The following PFKP variants were observed in gnomAD, a reference collection of about 807,000 sequenced individuals.
The protein encoded by PFKP is phosphofructokinase, platelet, also known as ATP-dependent 6-phosphofructokinase, platelet type.
PFKP carries 101 observed loss-of-function variants against 94.3 expected under a neutral mutation model. The ratio of observed to expected loss-of-function variants is 1.07; its 90% CI spans 0.91 to 1.26. PFKP has a LOEUF of 1.26. Among genes scored for constraint, PFKP ranks in the 50% most tolerant of loss-of-function variants. PFKP has a pLI of 0.00. For missense variants in PFKP, 1,145 were observed against 1,103.3 expected (o/e 1.04, Z -0.53); for synonymous variants, 573 against 432.6 (o/e 1.32, Z -4.03).
chr10:3,115,518 G>A, intron 13 of PFKP, among the ~76,000 whole-genome samples: 1 of 149,072 alleles, frequency 6.7e-6, no homozygotes, highest in African/African-American at 2.5e-5. Flanking sequence ...GTGTCCCACA[G>A]CTGAGGATAG....
Position 3,129,691 on chromosome 10 carries a change from C to T in PFKP, c.1684-128C>T, listed in dbSNP as rs567568936. 3.9e-4 allele frequency: 374 copies of T among 967,974 alleles called. 2 individuals are homozygous for T. In the Middle Eastern group the frequency reaches 4.3e-3, roughly 11 times the overall value. The allele number at this position is 967,974 out of a possible 1,614,324, so 60.0% of individuals were successfully genotyped here. On this transcript the variant is annotated intron_variant, in intron 16 of 21. Transcript: ENST00000381125. Reference sequence around the variant, plus strand: ...GGCTGCTGCACACCCTTCACCTCTGCGGGATGCTGGGACCGCATGTTTGGG... The same window carrying T: ...GGCTGCTGCACACCCTTCACCTCTGTGGGATGCTGGGACCGCATGTTTGGG...
intron 1 of PFKP, among the ~76,000 whole-genome samples, chr10:3,077,019 G>A (rs1301684515): frequency 6.6e-6 from 1 of 152,166 alleles, no homozygotes; most frequent in African/African-American, 2.4e-5. Flanking sequence ...TCAGCGCGGT[G>A]TAAGCTCATT....
chr10:3,082,972 A>G (rs1184665994), intron 2 of PFKP, among the ~76,000 whole-genome samples: 1 of 152,080 alleles, frequency 6.6e-6, no homozygotes, highest in East Asian at 1.9e-4. Flanking sequence ...TGGCCTCCCA[A>G]AGTTTTGGTA....
At position 3,133,254 on chromosome 10, in the gene PFKP, T is replaced by G; in HGVS notation, c.1962T>G (p.Tyr654Ter). Reference protein sequence around the residue: ...NYTTDFIYQLYSEEGKGVFDC... With the variant: ...NYTTDFIYQL ...CCACCGACTTCATTTACCAGCTGTA[T>G]TCAGAAGAGGGCAAAGGCGTGTTTG... Residue 654 changes from tyrosine (Y) to a stop codon, truncating the protein, a stop_gained, in exon 19 of 22, where the codon TAT becomes TAG. Transcript: ENST00000381125. LOFTEE classifies it high-confidence loss of function. 3.7e-6 allele frequency: 6 copies of G among 1,614,144 alleles called. No individual in the cohort carries two copies. The highest frequency in any genetic ancestry group is 4.2e-6 in the Non-Finnish European group (5 of 1,179,986).
At chr10:3,113,607 C>G (rs561270279) in intron 13 of PFKP, 89 bp downstream of exon 13, 2 of 1,057,064 alleles carry the variant, frequency 1.9e-6, no homozygotes, top group Non-Finnish European at 2.7e-6. Flanking sequence ...CCATGGCCCT[C>G]ATACCTTTTC....
intron 16 of PFKP, among the ~76,000 whole-genome samples, chr10:3,127,047 G>A (rs1256170147): frequency 6.6e-6 from 1 of 152,288 alleles, no homozygotes; most frequent in Admixed American, 6.5e-5. Flanking sequence ...CAGGCAGGCA[G>A]GGCCGCGCTT....
chr10:3,119,432 C>A (rs1416473129), intron 15 of PFKP, among the ~76,000 whole-genome samples: 1 of 125,460 alleles, frequency 8.0e-6, no homozygotes, highest in East Asian at 2.6e-4. Flanking sequence ...ATGGTGAAAC[C>A]CCGTCTCTAC....
chr10:3,091,353 C>G (rs1279475006), intron 2 of PFKP, among the ~76,000 whole-genome samples: 1 of 152,048 alleles, frequency 6.6e-6, no homozygotes, highest in Non-Finnish European at 1.5e-5. Context: ...TGGGTCCAAA[C>G]CAAGCTGGGG....
At chr10:3,069,731 AAG>A (rs1832042858) in intron 1 of PFKP, among the ~76,000 whole-genome samples, 1 of 152,186 alleles carries the variant, frequency 6.6e-6, no homozygotes, top group African/African-American at 2.4e-5. Context: ...AAAAAAAAGA[AAG>A]AAAAAAAATT....
At chr10:3,120,293 G>C (rs1343009936) in intron 16 of PFKP, among the ~76,000 whole-genome samples, 1 of 152,088 alleles carries the variant, frequency 6.6e-6, no homozygotes, top group Admixed American at 6.5e-5. Context: ...GAGACTCCAG[G>C]GGTGCCCGTG....
At chr10:3,072,520 G>A (rs77232779) in intron 1 of PFKP, among the ~76,000 whole-genome samples, 2 of 149,458 alleles carry the variant, frequency 1.3e-5, no homozygotes, top group East Asian at 3.8e-4. Context: ...AAATTACTGG[G>A]TCTGGGAGGC....
chr10:3,107,754 AG>A, intron 8 of PFKP: 1 of 985,466 alleles, frequency 1.0e-6, no homozygotes, highest in Non-Finnish European at 1.2e-6. Context: ...ATTCTTACAA[AG>A]CCACTGTGTC....
chr10:3,092,097 C>T (rs1834086928), intron 2 of PFKP, among the ~76,000 whole-genome samples: 1 of 152,190 alleles, frequency 6.6e-6, no homozygotes, highest in Non-Finnish European at 1.5e-5. Context: ...TGACCCCCGC[C>T]ACCGGCCCCC....
intron 2 of PFKP, among the ~76,000 whole-genome samples, chr10:3,094,803 AT>A (rs1834345815): frequency 6.6e-6 from 1 of 152,304 alleles, no homozygotes; most frequent in African/African-American, 2.4e-5. Flanking sequence ...AAATGCTTTA[AT>A]TTATTAAGGA....
chr10:3,134,443 C>A, intron 19 of PFKP, 40 bp from the exon 20 acceptor site: 3 of 1,084,722 alleles, frequency 2.8e-6, no homozygotes, highest in Non-Finnish European at 4.2e-6. Flanking sequence ...CAAAGTGTTA[C>A]TGTATAACTG....
chr10:3,119,902 GA>G lies in PFKP; in HGVS notation c.1542del (p.Leu515SerfsTer42). The G allele has an allele frequency of 6.2e-7, 1 of 1,614,120 alleles. No homozygotes were observed. Among genetic ancestry groups the G allele is most frequent in the Non-Finnish European group, 8.5e-7 (1 of 1,180,024 alleles). On this transcript the variant is annotated frameshift_variant, in exon 16 of 22. Transcript: ENST00000381125. LOFTEE classifies it high-confidence loss of function. ...LIIGGFEAYL[G>X]LLELSAAREK... ...ACGCTTGTCTGACAGGCCTACCTGGGACTCCTGGAGCTGTCAGCCGCCCGGG... is the reference window on the plus strand; with the variant it reads ...ACGCTTGTCTGACAGGCCTACCTGGGCTCCTGGAGCTGTCAGCCGCCCGGG...
chr10:3,098,848 T>C lies in PFKP; in HGVS notation c.187-427T>C, dbSNP rs1458498793. ...AACATACATCCCAAGTGGCGCAGGGTGCCTTGGCAGGCGGAGCCCCTGACA... is the reference window on the plus strand; with the variant it reads ...AACATACATCCCAAGTGGCGCAGGGCGCCTTGGCAGGCGGAGCCCCTGACA... On this transcript the variant is annotated intron_variant, in intron 2 of 21. Coordinates refer to ENST00000381125, the MANE Select transcript of PFKP (RefSeq NM_002627.5). Among the ~76,000 whole-genome samples, 3 of 152,268 alleles carry C rather than the reference T, an allele frequency of 2.0e-5. No individual in the cohort carries two copies. The East Asian group carries it at 5.8e-4, about 29-fold the overall frequency.
In PFKP at chr10:3,109,390, G is replaced by A. The variant is rs1431579843; in HGVS notation, c.999G>A (p.Leu333=). Residue 333 remains leucine (L), a synonymous_variant, in exon 10 of 22, where the codon TTG becomes TTA. Transcript: ENST00000381125. The part of the protein sequence containing the change: ...SRMGVEAVIA[L]LEATPDTPAC... ...TGGGAGTGGAGGCAGTCATCGCCTT[G>A]CTAGAGGCCACCCCGGACACCCCAG... 1 of 1,610,652 alleles carries A rather than the reference G, an allele frequency of 6.2e-7. No individual in the cohort carries two copies. Among genetic ancestry groups the A allele is most frequent in the Non-Finnish European group, 8.5e-7 (1 of 1,180,012 alleles).
intron 16 of PFKP, among the ~76,000 whole-genome samples, chr10:3,128,201 C>T (rs1428586589): frequency 2.6e-5 from 4 of 152,184 alleles, no homozygotes; most frequent in African/African-American, 4.8e-5. Flanking sequence ...GCTGATGGTG[C>T]ACTGGTGTAA....
Sources: gnomAD v4.1 joint callset for allele counts (sites outside exome capture counted in the v4.1 genomes callset) on GRCh38, gnomAD v4.1.1 for gene constraint, MANE v1.5 for transcripts, NCBI Gene and HGNC (gene_info 2026-07-23, HGNC 2026-07-21) for gene names.